The following LOC122539214 variants were observed in gnomAD, a reference collection of about 807,000 sequenced individuals.
the LOC122539214 span, among the ~76,000 whole-genome samples, chr19:52,659,248 C>T: frequency 6.6e-6 from 1 of 151,848 alleles, no homozygotes; most frequent in Non-Finnish European, 1.5e-5. Context: ...AGGAAAGCTG[C>T]GATGGAAGCA....
the LOC122539214 span, among the ~76,000 whole-genome samples, chr19:52,686,175 T>C: frequency 0.012 from 1,806 of 152,196 alleles, 23 homozygotes; most frequent in Non-Finnish European, 0.018. Flanking sequence ...CTGTATGAGG[T>C]ACCAAAGTTT....
At chr19:52,689,509 C>A in the LOC122539214 span, among the ~76,000 whole-genome samples, 45 of 152,278 alleles carry the variant, frequency 3.0e-4, 1 homozygote, top group African/African-American at 1.0e-3. Context: ...AATCCCTCCT[C>A]CTCTCCCTCA....
chr19:52,676,048 C>T, the LOC122539214 span, among the ~76,000 whole-genome samples: 1 of 152,082 alleles, frequency 6.6e-6, no homozygotes, highest in Admixed American at 6.5e-5. Context: ...TCTCGCTCTC[C>T]CTCTCCCTCT....
chr19:52,676,468 C>T, the LOC122539214 span, among the ~76,000 whole-genome samples: 169 of 152,044 alleles, frequency 1.1e-3, 1 homozygote, highest in Admixed American at 1.6e-3. Flanking sequence ...GAGCCTGCCC[C>T]GGCCCGGCTA....
At chr19:52,686,928 T>A in the LOC122539214 span, among the ~76,000 whole-genome samples, 1 of 151,938 alleles carries the variant, frequency 6.6e-6, no homozygotes, top group Non-Finnish European at 1.5e-5. Context: ...ACATCTGTAA[T>A]CCCAGCACTT....
the LOC122539214 span, chr19:52,655,647 A>G: frequency 8.7e-6 from 12 of 1,385,876 alleles, no homozygotes; most frequent in East Asian, 4.6e-5. Flanking sequence ...CCACTCCTCC[A>G]AAGAGAATTC....
At chr19:52,683,549 A>G in the LOC122539214 span, among the ~76,000 whole-genome samples, 1 of 135,876 alleles carries the variant, frequency 7.4e-6, no homozygotes, top group African/African-American at 3.0e-5. Flanking sequence ...CCCTGCCCAT[A>G]ATGGCCAAAC....
At chr19:52,675,965 G>A in the LOC122539214 span, among the ~76,000 whole-genome samples, 1 of 152,084 alleles carries the variant, frequency 6.6e-6, no homozygotes, top group Non-Finnish European at 1.5e-5. Context: ...GCCGATGCAG[G>A]CAGATCATGA....
At chr19:52,675,224 A>G in the LOC122539214 span, among the ~76,000 whole-genome samples, 1 of 152,186 alleles carries the variant, frequency 6.6e-6, no homozygotes, top group Admixed American at 6.5e-5. Context: ...CTTCTCAAAT[A>G]AGGACACCAG....
chr19:52,683,520 CCAA>C, the LOC122539214 span, among the ~76,000 whole-genome samples: 1 of 125,662 alleles, frequency 8.0e-6, no homozygotes, highest in Non-Finnish European at 1.6e-5. Flanking sequence ...TGAAGGGAAT[CCAA>C]AGGGAAGGGC....
At chr19:52,666,569 A>C in the LOC122539214 span, among the ~76,000 whole-genome samples, 1 of 149,846 alleles carries the variant, frequency 6.7e-6, no homozygotes, top group African/African-American at 2.5e-5. Flanking sequence ...TAACTTTTAG[A>C]GGAAACCTCA....
the LOC122539214 span, among the ~76,000 whole-genome samples, chr19:52,666,490 A>C: frequency 6.6e-6 from 1 of 152,074 alleles, no homozygotes; most frequent in East Asian, 1.9e-4. Flanking sequence ...TAACCCAGTA[A>C]ACCGCGGATG....
chr19:52,677,763 A>G, the LOC122539214 span, among the ~76,000 whole-genome samples: 3 of 152,098 alleles, frequency 2.0e-5, no homozygotes, highest in African/African-American at 4.8e-5. Flanking sequence ...GCCAGAGGGG[A>G]TGGCTCATGC....
At chr19:52,672,857 T>C in the LOC122539214 span, among the ~76,000 whole-genome samples, 3 of 152,162 alleles carry the variant, frequency 2.0e-5, no homozygotes, top group Non-Finnish European at 4.4e-5. Context: ...ATTACAGACA[T>C]GAGCCACCGT....
the LOC122539214 span, among the ~76,000 whole-genome samples, chr19:52,667,429 T>C: frequency 6.6e-6 from 1 of 152,180 alleles, no homozygotes; most frequent in African/African-American, 2.4e-5. Flanking sequence ...AGAAATGTCA[T>C]ATAATTTGAA....
the LOC122539214 span, among the ~76,000 whole-genome samples, chr19:52,668,806 C>T: frequency 6.6e-6 from 1 of 152,232 alleles, no homozygotes. Flanking sequence ...CGAGGGCTGT[C>T]CTCCAGTAGA....
At chr19:52,683,740 A>G in the LOC122539214 span, among the ~76,000 whole-genome samples, 1 of 152,168 alleles carries the variant, frequency 6.6e-6, no homozygotes, top group African/African-American at 2.4e-5. Context: ...TGCCACAGGA[A>G]GTTTAGATCA....
the LOC122539214 span, among the ~76,000 whole-genome samples, chr19:52,672,467 G>T: frequency 3.3e-5 from 5 of 152,266 alleles, no homozygotes; most frequent in East Asian, 9.6e-4. Flanking sequence ...GCATAATGTC[G>T]TCAGGCATGG....
chr19:52,683,013 G>GC, the LOC122539214 span, among the ~76,000 whole-genome samples: 2 of 152,110 alleles, frequency 1.3e-5, no homozygotes, highest in Non-Finnish European at 2.9e-5. Context: ...TGAGATTATA[G>GC]GCATGTGCCA....
Sources: allele counts gnomAD v4.1 joint callset (sites outside exome capture counted in the v4.1 genomes callset), GRCh38; gene constraint gnomAD v4.1.1; transcripts MANE v1.5.